The following GALNTL6 variants were observed in gnomAD, a reference collection of about 807,000 sequenced individuals.
The protein encoded by GALNTL6 is polypeptide N-acetylgalactosaminyltransferase-like 6.
In GALNTL6, 46 loss-of-function variants were observed where a neutral mutation model predicts 73.7. The observed-to-expected ratio is 0.62, with a 90% confidence interval of 0.49 to 0.80. The LOEUF (loss-of-function observed/expected upper bound fraction) is 0.80. GALNTL6 is among the 30% of genes least tolerant of loss of function. GALNTL6 has a pLI of 0.00. For synonymous variants in GALNTL6, 259 were observed against 263.7 expected, an observed-to-expected ratio of 0.98 and a Z score of 0.17; for missense variants, 604 against 755.0, an observed-to-expected ratio of 0.80 and a Z score of 2.34.
At chr4:172,061,586 A>G (rs946089470) in intron 2 of GALNTL6, among the ~76,000 whole-genome samples, 5 of 152,198 alleles carry the variant, frequency 3.3e-5, no homozygotes, top group Admixed American at 6.5e-5. Flanking sequence ...TGTCCCAGAA[A>G]GGCCAAATAT....
At chr4:172,652,124 ATTATGT>A (rs1251801870) in intron 5 of GALNTL6, among the ~76,000 whole-genome samples, 1 of 152,192 alleles carries the variant, frequency 6.6e-6, no homozygotes, top group Non-Finnish European at 1.5e-5. Flanking sequence ...AGTCATCTAG[ATTATGT>A]TTAAGGAGCT....
chr4:172,606,549 G>GTATA (rs563209201), intron 5 of GALNTL6, among the ~76,000 whole-genome samples: 2,051 of 116,468 alleles, frequency 0.018, 60 homozygotes, highest in African/African-American at 0.063. Flanking sequence ...AGAAGGAAGT[G>GTATA]TATATATATA....
intron 2 of GALNTL6, among the ~76,000 whole-genome samples, chr4:172,107,174 A>T (rs183804624): frequency 4.4e-4 from 67 of 152,266 alleles, no homozygotes; most frequent in African/African-American, 1.6e-3. Context: ...TGGCCAGCCG[A>T]TATCACTAGT....
intron 10 of GALNTL6, among the ~76,000 whole-genome samples, chr4:172,965,353 G>A (rs538476583): frequency 1.3e-5 from 2 of 152,190 alleles, no homozygotes; most frequent in East Asian, 3.8e-4. Flanking sequence ...TTGGGAGGCT[G>A]AGGCAGGAGG....
chr4:172,531,436 T>A (rs1735165982), intron 5 of GALNTL6, among the ~76,000 whole-genome samples: 1 of 152,174 alleles, frequency 6.6e-6, no homozygotes, highest in Non-Finnish European at 1.5e-5. Flanking sequence ...GAAAATGCAG[T>A]ACTTCTTGTT....
chr4:171,999,351 T>C (rs1176384254), intron 2 of GALNTL6, among the ~76,000 whole-genome samples: 1 of 152,164 alleles, frequency 6.6e-6, no homozygotes, highest in Non-Finnish European at 1.5e-5. Flanking sequence ...GAAGAATATA[T>C]TTCATAGAAA....
chr4:172,679,459 G>A (rs150285292), intron 5 of GALNTL6, among the ~76,000 whole-genome samples: 166 of 152,154 alleles, frequency 1.1e-3, no homozygotes, highest in African/African-American at 3.4e-3. Context: ...GGGTCATAGG[G>A]ACAGGACTTG....
chr4:172,121,934 T>G (rs1265724747), intron 2 of GALNTL6, among the ~76,000 whole-genome samples: 1 of 149,996 alleles, frequency 6.7e-6, no homozygotes, highest in Admixed American at 6.7e-5. Flanking sequence ...ATAAATCAAA[T>G]AATCATGGGA....
At chr4:172,304,442 T>C (rs1304479302) in intron 3 of GALNTL6, among the ~76,000 whole-genome samples, 1 of 149,508 alleles carries the variant, frequency 6.7e-6, no homozygotes, top group Non-Finnish European at 1.5e-5. Context: ...AAAAGCAAAT[T>C]TGGGAAATAG....
chr4:172,824,382 G>A (rs1742119931), intron 7 of GALNTL6, among the ~76,000 whole-genome samples: 4 of 146,734 alleles, frequency 2.7e-5, no homozygotes, highest in East Asian at 2.0e-4. Context: ...GTGTGAGTGT[G>A]TGTGTGTGTG....
At chr4:172,783,804 G>C (rs2110906097) in intron 5 of GALNTL6, among the ~76,000 whole-genome samples, 1 of 152,104 alleles carries the variant, frequency 6.6e-6, no homozygotes, top group Admixed American at 6.6e-5. Context: ...ATAAGCACTT[G>C]AGAAATGAGC....
intron 2 of GALNTL6, among the ~76,000 whole-genome samples, chr4:171,995,414 G>A (rs575343285): frequency 4.6e-5 from 7 of 151,952 alleles, no homozygotes; most frequent in South Asian, 4.1e-4. Flanking sequence ...TTATTTTACC[G>A]AAACTGAAGA....
At chr4:172,778,336 T>C (rs1334225547) in intron 5 of GALNTL6, among the ~76,000 whole-genome samples, 3 of 152,162 alleles carry the variant, frequency 2.0e-5, no homozygotes, top group Non-Finnish European at 4.4e-5. Flanking sequence ...CTGCCATAAG[T>C]GTAATGGAAA....
chr4:172,448,110 A>G (rs1257174170), intron 5 of GALNTL6, among the ~76,000 whole-genome samples: 1 of 152,132 alleles, frequency 6.6e-6, no homozygotes, highest in Non-Finnish European at 1.5e-5. Context: ...GCATGGTTAT[A>G]TTTTCCTAGG....
At chr4:172,846,698 A>G (rs1305932567) in intron 7 of GALNTL6, among the ~76,000 whole-genome samples, 1 of 152,196 alleles carries the variant, frequency 6.6e-6, no homozygotes, top group Non-Finnish European at 1.5e-5. Context: ...GAATGAGTTA[A>G]AATCATTCCT....
chr4:172,597,744 C>T (rs2111015698), intron 5 of GALNTL6, among the ~76,000 whole-genome samples: 1 of 152,046 alleles, frequency 6.6e-6, no homozygotes, highest in East Asian at 1.9e-4. Context: ...TTGAAGACTC[C>T]CAGCATATAT....
intron 7 of GALNTL6, among the ~76,000 whole-genome samples, chr4:172,867,207 C>T (rs918104958): frequency 1.3e-5 from 2 of 152,148 alleles, no homozygotes; most frequent in Non-Finnish European, 2.9e-5. Context: ...TAAGCATAAA[C>T]CAGGACTGCC....
intron 3 of GALNTL6, among the ~76,000 whole-genome samples, chr4:172,311,181 T>C (rs986431783): frequency 1.3e-5 from 2 of 152,160 alleles, no homozygotes; most frequent in African/African-American, 4.8e-5. Flanking sequence ...AAAGCAAAGA[T>C]GTTCATTGTA....
intron 2 of GALNTL6, among the ~76,000 whole-genome samples, chr4:171,982,544 C>T (rs921351225): frequency 6.6e-6 from 1 of 151,992 alleles, no homozygotes; most frequent in African/African-American, 2.4e-5. Flanking sequence ...GTGATTCGCC[C>T]GCCTCAGCCT....
Sources: allele counts gnomAD v4.1 joint callset (sites outside exome capture counted in the v4.1 genomes callset), GRCh38; gene constraint gnomAD v4.1.1; transcripts MANE v1.5; gene names NCBI Gene and HGNC (gene_info 2026-07-23, HGNC 2026-07-21).